Variants in NBPF3 observed in about 807,000 individuals in gnomAD.
The protein encoded by NBPF3 is NBPF member 3, also known as NBPF family member NBPF3.
Under a neutral mutation model 78.1 loss-of-function variants are expected in NBPF3, and 57 were observed. The observed-to-expected ratio is 0.73, with a 90% CI of 0.59 to 0.91. The LOEUF is 0.91. NBPF3 is among the 40% of genes least tolerant of loss of function. The pLI is 0.00. For missense variants in NBPF3, 510 were observed against 715.3 expected (o/e 0.71, Z 3.27); for synonymous variants, 182 against 271.7 (o/e 0.67, Z 3.25).
In NBPF3 at chr1:21,445,366, A is replaced by C. The variant is rs1009645443; in HGVS notation, c.133+147A>C. 4 of 961,670 alleles carry C rather than the reference A, an allele frequency of 4.2e-6. No individual in the cohort carries two copies. In the African/African-American group the frequency reaches 5.0e-5, roughly 12 times the overall value. 59.6% of individuals were successfully genotyped at this position (961,670 alleles called of 1,614,324 possible). ...CAGATATTAAATACGTATTTGTTAAATGAATGAACAAATATCCACAGCCTG... is the reference window on the plus strand; with the variant it reads ...CAGATATTAAATACGTATTTGTTAACTGAATGAACAAATATCCACAGCCTG... On this transcript the variant is annotated intron_variant, in intron 2 of 14. Transcript: ENST00000318249.
intron 2 of NBPF3, among the ~76,000 whole-genome samples, chr1:21,454,686 A>G (rs2147930469): frequency 6.6e-6 from 1 of 152,304 alleles, no homozygotes; most frequent in Middle Eastern, 3.4e-3. Context: ...ACCCAATTCA[A>G]CCATACAGGC....
Position 21,468,819 on chromosome 1 carries a change from C to G in NBPF3, c.265C>G (p.Gln89Glu). ...GCGCCCCCAGCTGGCAGAGAACAAA[C>G]AGCAGTTCAGAAACCTCAAACAGAA... ...KSRPQLAENK[Q>E]QFRNLKQKCL... The change falls in exon 3 of 15, where the codon CAG becomes GAG. Residue 89 changes from glutamine to glutamate, a missense_variant. This residue lies in a region of NBPF3 where 440 missense variants were observed against 478.2 expected (regional missense o/e 0.92). Transcript: ENST00000318249. The G allele has an allele frequency of 6.2e-7, 1 of 1,614,178 alleles. No individual in the cohort carries two copies. The highest frequency in any genetic ancestry group is 1.1e-5 in the South Asian group (1 of 91,080).
chr1:21,452,626 A>G (rs1442361851), intron 2 of NBPF3, among the ~76,000 whole-genome samples: 1 of 152,238 alleles, frequency 6.6e-6, no homozygotes, highest in Admixed American at 6.5e-5. Flanking sequence ...AGGCAGGTTT[A>G]TTGAAAAGGT....
At chr1:21,461,008 G>A (rs1038499824) in intron 2 of NBPF3, among the ~76,000 whole-genome samples, 5 of 152,086 alleles carry the variant, frequency 3.3e-5, no homozygotes, top group Non-Finnish European at 7.4e-5. Context: ...CTGAACATTA[G>A]GCATGAGAAA....
At chr1:21,455,863 C>G (rs940634253) in intron 2 of NBPF3, among the ~76,000 whole-genome samples, 1 of 152,160 alleles carries the variant, frequency 6.6e-6, no homozygotes, top group Non-Finnish European at 1.5e-5. Context: ...ACCAGAGGTA[C>G]TTGAGGCGGA....
chr1:21,464,692 A>T (rs1457682570), intron 2 of NBPF3, among the ~76,000 whole-genome samples: 3 of 77,178 alleles, frequency 3.9e-5, no homozygotes, highest in Non-Finnish European at 6.4e-5. Context: ...CAGTATTTTC[A>T]TTAAAAAAAA....
intron 1 of NBPF3, chr1:21,440,898 T>G (rs1640604603): frequency 6.6e-6 from 1 of 152,244 alleles, no homozygotes; most frequent in South Asian, 2.1e-4. Context: ...AAGCCTCAAA[T>G]GAACCGCAGG....
At position 21,465,608 on chromosome 1, in the gene NBPF3, G is replaced by GA. The variant is rs559903888; in HGVS notation, c.134-3080_134-3079insA. Among the ~76,000 whole-genome samples the GA allele has an allele frequency of 2.5e-3, 379 of 152,308 alleles. 2 individuals carry two copies. The highest frequency in any genetic ancestry group is 8.6e-3 in the African/African-American group (356 of 41,574). ...GGGCTCCATTTAAACTTTGAGTATA[G>GA]CAGAGACACGAGCCCTTCGGGACAC... On this transcript the variant is annotated intron_variant, in intron 2 of 14. Coordinates refer to ENST00000318249, the MANE Select transcript of NBPF3 (RefSeq NM_032264.6).
At chr1:21,479,579 A>G (rs1424954877) in intron 10 of NBPF3, among the ~76,000 whole-genome samples, 179 bp downstream of exon 10, 3 of 152,100 alleles carry the variant, frequency 2.0e-5, no homozygotes, top group East Asian at 3.8e-4. Flanking sequence ...ATTTCTTCCT[A>G]TCCTTCTCAT....
chr1:21,467,609 C>T (rs768359824), intron 2 of NBPF3, among the ~76,000 whole-genome samples: 10 of 152,158 alleles, frequency 6.6e-5, no homozygotes, highest in South Asian at 2.1e-4. Flanking sequence ...TAAGAACCGC[C>T]GCTCATGGCC....
intron 6 of NBPF3, 133 bp from the exon 7 acceptor site, chr1:21,473,247 C>T (rs1261600055): frequency 1.8e-6 from 2 of 1,142,536 alleles, no homozygotes; most frequent in African/African-American, 3.0e-5. Flanking sequence ...CCTGTTCCCT[C>T]TTAAAGGGAT....
chr1:21,444,273 T>C (rs1262837279), intron 1 of NBPF3, among the ~76,000 whole-genome samples: 1 of 152,174 alleles, frequency 6.6e-6, no homozygotes, highest in East Asian at 1.9e-4. Context: ...TGAAAGGAAA[T>C]GTCAATGAAA....
At chr1:21,453,543 C>T (rs955217375) in intron 2 of NBPF3, 23 of 152,226 alleles carry the variant, frequency 1.5e-4, no homozygotes, top group African/African-American at 5.3e-4. Context: ...TCAGTGAGAA[C>T]AACAGGGTTC....
At chr1:21,457,187 TGTATGTATGTGTGTGGGTGGGTGTGG>T (rs939088809) in intron 2 of NBPF3, among the ~76,000 whole-genome samples, 9 of 151,676 alleles carry the variant, frequency 5.9e-5, no homozygotes, top group African/African-American at 2.2e-4. Flanking sequence ...TGTGTGTGTG[TGTATGTATGTGTGTGGGTGGGTGTGG>T]GTGTGTATAT....
chr1:21,473,482 T>A lies in NBPF3; in HGVS notation c.837T>A (p.Pro279=). 1 of 1,614,182 alleles carries A rather than the reference T, an allele frequency of 6.2e-7. No individual in the cohort carries two copies. The highest frequency in any genetic ancestry group is 8.5e-7 in the Non-Finnish European group (1 of 1,180,022). The change falls in exon 7 of 15, where the codon CCT becomes CCA. Residue 279 remains proline (P), a synonymous_variant. Coordinates refer to ENST00000318249, the MANE Select transcript of NBPF3 (RefSeq NM_032264.6). ...NSHHPCESNQ[P]YGNTRITFEE... Reference sequence around the variant, plus strand: ...ACCACCCTTGTGAGTCCAACCAGCCTTACGGGAACACCAGAATCACATTTG... The same window carrying A: ...ACCACCCTTGTGAGTCCAACCAGCCATACGGGAACACCAGAATCACATTTG...
intron 8 of NBPF3, among the ~76,000 whole-genome samples, chr1:21,475,345 T>C (rs4654753): frequency 0.67 from 101,895 of 152,068 alleles, 35,339 homozygotes; most frequent in South Asian, 0.87. Context: ...GTTCTTTTAA[T>C]TGTGATGTTA....
intron 2 of NBPF3, among the ~76,000 whole-genome samples, chr1:21,450,507 G>C (rs1232697535): frequency 6.6e-6 from 1 of 152,084 alleles, no homozygotes; most frequent in Non-Finnish European, 1.5e-5. Flanking sequence ...TCACAGGAAT[G>C]CTGTCTCATC....
At chr1:21,450,044 A>G (rs928679143) in intron 2 of NBPF3, among the ~76,000 whole-genome samples, 8 of 152,192 alleles carry the variant, frequency 5.3e-5, no homozygotes. Flanking sequence ...TCTTGCTGCC[A>G]ATTATCACAT....
intron 7 of NBPF3, among the ~76,000 whole-genome samples, chr1:21,474,603 G>T (rs1642790743): frequency 6.6e-6 from 1 of 152,150 alleles, no homozygotes; most frequent in Non-Finnish European, 1.5e-5. Context: ...CTAGAAAATT[G>T]TTTGACCAAT....
Sources: gnomAD v4.1 joint callset for allele counts (sites outside exome capture counted in the v4.1 genomes callset) on GRCh38, gnomAD v4.1.1 for gene constraint, gnomAD v4.1.1 regional missense constraint, MANE v1.5 for transcripts, NCBI Gene and HGNC (gene_info 2026-07-23, HGNC 2026-07-21) for gene names.